The following PSMD2 variants were observed in gnomAD, a reference collection of about 807,000 sequenced individuals.
The protein encoded by PSMD2 is 26S proteasome non-ATPase regulatory subunit 2.
A neutral mutation model predicts 101.5 loss-of-function variants in PSMD2; 8 were observed. That is an observed-to-expected ratio of 0.08 (90% CI 0.05 to 0.14). PSMD2 has a LOEUF of 0.14. PSMD2 is among the 10% of genes least tolerant of loss of function. The pLI is 1.00. For synonymous variants in PSMD2, 418 were observed against 433.8 expected (o/e 0.96, Z 0.45); for missense variants, 784 against 1,147.4 (o/e 0.68, Z 4.58).
rs1300527907 is a variant in PSMD2, at chr3:184,306,472, C to T, written c.1927C>T (p.Pro643Ser). 6 of 1,614,004 alleles carry T rather than the reference C, an allele frequency of 3.7e-6. 1 individual carries two copies. In the South Asian group the frequency reaches 4.4e-5, roughly 12 times the overall value. ...EKKDKDKKEA[P>S]ADMGAHQGVA... ...GAAAGACAAGGACAAGAAGGAAGCC[C>T]CTGCTGACATGGGAGCACATCAGGT... The change falls in exon 15 of 21, where the codon CCT becomes TCT. Residue 643 changes from proline (P) to serine (S), a missense_variant. Coordinates refer to ENST00000310118, the MANE Select transcript of PSMD2 (RefSeq NM_002808.5).
intron 17 of PSMD2, 26 bp downstream of exon 17, chr3:184,307,551 TAAAC>T (rs776238540): frequency 2.5e-6 from 4 of 1,614,028 alleles, no homozygotes; most frequent in Middle Eastern, 1.6e-4. Flanking sequence ...AAGAAGGTCA[TAAAC>T]AGATTGGGGG....
At chr3:184,299,940 G>A (rs750513170) in intron 2 of PSMD2, 33 bp downstream of exon 2, 2 of 1,592,866 alleles carry the variant, frequency 1.3e-6, no homozygotes, top group Non-Finnish European at 1.7e-6. Flanking sequence ...TTCGGTGCAT[G>A]TTTGGATCTT....
rs746414233 is a variant in PSMD2 at position 184,304,417 on chromosome 3, G to C, written c.1539+26G>C. On this transcript the variant is annotated intron_variant, in intron 12 of 20. Coordinates refer to ENST00000310118, the MANE Select transcript of PSMD2 (RefSeq NM_002808.5). This position sits in a 1 kb window ranked among gnomAD's most constrained non-coding sequence, Gnocchi z 4.1. Reference sequence around the variant, plus strand: ...GTGAGTAGAGGCTATTGAGCATTTAGAGTAAGTAGGGAAGGTGCTTTGAGT... The same window carrying C: ...GTGAGTAGAGGCTATTGAGCATTTACAGTAAGTAGGGAAGGTGCTTTGAGT... 25 of 1,598,510 alleles carry C rather than the reference G, an allele frequency of 1.6e-5. No individual in the cohort carries two copies. The highest frequency in any genetic ancestry group is 2.0e-5 in the Non-Finnish European group (23 of 1,165,746).
In PSMD2 at chr3:184,303,304, C is replaced by A. The variant is rs775454168; in HGVS notation, c.1070-16C>A. 83 of 1,606,158 alleles carry A rather than the reference C, an allele frequency of 5.2e-5. No individual in the cohort carries two copies. The highest frequency in any genetic ancestry group is 7.0e-5 in the Non-Finnish European group (82 of 1,177,524). ...GAAACCTTCTTTCCTTACTTTTCCT[C>A]TCCCTCCTGTTGCAGGGTTTGGGGG... On this transcript the variant is annotated splice_polypyrimidine_tract_variant and intron_variant, in intron 8 of 20. Transcript: ENST00000310118.
Position 184,308,558 on chromosome 3 carries a change from T to C in PSMD2, c.2535T>C (p.Arg845=), listed in dbSNP as rs1560197641. ...EELRPLPVSV[R]VGQAVDVVGQ... is the part of the protein sequence containing the mutation. ...TGCGGCCATTGCCAGTGTCTGTCCG[T>C]GTGGGCCAGGTGAGAGGCTGAGTAG... The change falls in exon 20 of 21, where the codon CGT becomes CGC. Residue 845 remains arginine (R), a synonymous_variant. Transcript: ENST00000310118. The surrounding 1 kb of genome is among the most constrained non-coding windows in gnomAD (Gnocchi z 6.0). 6.8e-6 allele frequency: 11 copies of C among 1,613,480 alleles called. No individual in the cohort carries two copies. The East Asian group carries it at 2.5e-4, about 36-fold the overall frequency.
chr3:184,299,281 C>A lies in PSMD2; in HGVS notation c.15C>A (p.Gly5=), dbSNP rs1370258076. The A allele has an allele frequency of 2.2e-6, 3 of 1,359,694 alleles. No homozygotes were observed. The Admixed American group carries it at 1.1e-4, about 48-fold the overall frequency. 84.2% of individuals were successfully genotyped at this position (1,359,694 alleles called of 1,614,324 possible). Residue 5 remains glycine (G), a synonymous_variant, in exon 1 of 21, where the codon GGC becomes GGA. Coordinates refer to ENST00000310118, the MANE Select transcript of PSMD2 (RefSeq NM_002808.5). The part of the protein sequence containing the change: MEEG[G]RDKAPVQPQQ... ...TGGCGGCGGAGATGGAGGAGGGAGG[C>A]CGGGACAAGGCGCCGGTGCAGCCCC... is the stretch of plus-strand genomic sequence containing the variant.
rs759578318 is a variant in PSMD2, at chr3:184,301,532, T to C, written c.358-5T>C. On this transcript the variant is annotated splice_region_variant and splice_polypyrimidine_tract_variant and intron_variant, in intron 3 of 20. Transcript: ENST00000310118. ...TTTGACTTCAAAGAACTCTTTTCTT[T>C]ATAGCGTTTTGCTGCTGACATCATC... is the stretch of plus-strand genomic sequence containing the variant. 1.2e-6 allele frequency: 2 copies of C among 1,613,356 alleles called. No homozygotes were observed. Among genetic ancestry groups the C allele is most frequent in the South Asian group, 1.1e-5 (1 of 91,040 alleles).
Position 184,308,097 on chromosome 3 carries a change from G to A in PSMD2, c.2425+81G>A. 6.4e-7 allele frequency: 1 copy of A among 1,558,322 alleles called. No individual in the cohort carries two copies. The highest frequency in any genetic ancestry group is 8.7e-7 in the Non-Finnish European group (1 of 1,148,836). On this transcript the variant is annotated intron_variant, in intron 19 of 20. Coordinates refer to ENST00000310118, the MANE Select transcript of PSMD2 (RefSeq NM_002808.5). The surrounding 1 kb of genome is among the most constrained non-coding windows in gnomAD (Gnocchi z 6.0). ...TTCCAGGGCCACTTTGATAATTTAGGTTCAAGACCCCAGTTTAGCTCTGTA... is the reference window on the plus strand; with the variant it reads ...TTCCAGGGCCACTTTGATAATTTAGATTCAAGACCCCAGTTTAGCTCTGTA...
chr3:184,304,373 T>C lies in PSMD2; in HGVS notation c.1521T>C (p.Asp507=). The change falls in exon 12 of 21, where the codon GAT becomes GAC. Residue 507 remains aspartate, a synonymous_variant. Transcript: ENST00000310118. This position sits in a 1 kb window ranked among gnomAD's most constrained non-coding sequence, Gnocchi z 4.1. ...CACTGCTGCTGCCTGTGATGGGAGATTCAAAGTCCAGCATGGAGGTGAGTA... is the reference window on the plus strand; with the variant it reads ...CACTGCTGCTGCCTGTGATGGGAGACTCAAAGTCCAGCATGGAGGTGAGTA... ...VLTLLLPVMG[D]SKSSMEVAGV... is the part of the protein sequence containing the mutation. 1.9e-6 allele frequency: 3 copies of C among 1,614,206 alleles called. No individual in the cohort carries two copies. Among genetic ancestry groups the C allele is most frequent in the East Asian group, 2.2e-5 (1 of 44,886 alleles).
chr3:184,306,735 C>G lies in PSMD2; in HGVS notation c.1951-16C>G, dbSNP rs762148638. 6.2e-7 allele frequency: 1 copy of G among 1,610,110 alleles called. No homozygotes were observed. On this transcript the variant is annotated splice_polypyrimidine_tract_variant and intron_variant, in intron 15 of 20. Transcript: ENST00000310118. ...TTCCTTGAGCTTAATGGGTTCTGCT[C>G]TCTCTTCAATTGCAGGGAGTGGCTG...
chr3:184,308,038 TATATC>T lies in PSMD2; in HGVS notation c.2425+26_2425+30del. 6.2e-7 allele frequency: 1 copy of T among 1,613,256 alleles called. No individual in the cohort carries two copies. Among genetic ancestry groups the T allele is most frequent in the South Asian group, 1.1e-5 (1 of 91,070 alleles). Reference sequence around the variant, plus strand: ...AACAGTGAGTTCCTGTCAGAAATTTTATATCATAGCATGCAGGGCTCTGACTCCAC... The same window carrying T: ...AACAGTGAGTTCCTGTCAGAAATTTTATAGCATGCAGGGCTCTGACTCCAC... On this transcript the variant is annotated intron_variant, in intron 19 of 20. Transcript: ENST00000310118. The surrounding 1 kb of genome is among the most constrained non-coding windows in gnomAD (Gnocchi z 6.0).
rs767134858 is a variant in PSMD2 at position 184,306,831 on chromosome 3, C to T, written c.2031C>T (p.His677=). 3 of 1,613,158 alleles carry T rather than the reference C, an allele frequency of 1.9e-6. No individual in the cohort carries two copies. Among genetic ancestry groups the T allele is most frequent in the East Asian group, 2.2e-5 (1 of 44,820 alleles). The change falls in exon 16 of 21, where the codon CAC becomes CAT. Residue 677 remains histidine (H), a synonymous_variant. Transcript: ENST00000310118. Reference sequence around the variant, plus strand: ...AGATGGCATTACGAACCTTTGGCCACTTGGTGAGTATAGCATGAAGAAAAT... The same window carrying T: ...AGATGGCATTACGAACCTTTGGCCATTTGGTGAGTATAGCATGAAGAAAAT... ...GAEMALRTFG[H]LLRYGEPTLR... is the part of the protein sequence containing the mutation.
chr3:184,305,732 A>G, intron 12 of PSMD2, 36 bp from the exon 13 acceptor site: 1 of 1,584,738 alleles, frequency 6.3e-7, no homozygotes. Context: ...TATTTTAATA[A>G]CTTACTCTGT....
Position 184,306,126 on chromosome 3 carries a change from A to G in PSMD2, c.1775A>G (p.Asn592Ser). The change falls in exon 14 of 21, where the codon AAC (asparagine) becomes AGC (serine). Residue 592 changes from asparagine (N) to serine (S), a missense_variant. This residue lies in a region of PSMD2 where 282 missense variants were observed against 437.6 expected (regional missense o/e 0.64). Coordinates refer to ENST00000310118, the MANE Select transcript of PSMD2 (RefSeq NM_002808.5). ...TCAGAGCCATTCCGCAGTTTTGCCA[A>G]CACACTGGTGGATGTGTGTGCATAT... ...VVSEPFRSFA[N>S]TLVDVCAYAG... The G allele has an allele frequency of 6.2e-7, 1 of 1,614,184 alleles. No homozygotes were observed. Among genetic ancestry groups the G allele is most frequent in the Non-Finnish European group, 8.5e-7 (1 of 1,180,038 alleles).
At chr3:184,303,140 C>G in intron 8 of PSMD2, 78 bp downstream of exon 8, 1 of 1,533,130 alleles carries the variant, frequency 6.5e-7, no homozygotes, top group Non-Finnish European at 9.0e-7. Context: ...GCTTGGCCAA[C>G]ATGCTTATCC....
At position 184,307,344 on chromosome 3, in the gene PSMD2, C is replaced by T; in HGVS notation, c.2035-13C>T. The T allele has an allele frequency of 6.2e-7, 1 of 1,613,660 alleles. No homozygotes were observed. Among genetic ancestry groups the T allele is most frequent in the Non-Finnish European group, 8.5e-7 (1 of 1,179,640 alleles). ...GCATTCCGCCTTACTGTTGTATTTT[C>T]TTGGATCATCAGCTGAGATATGGGG... On this transcript the variant is annotated splice_polypyrimidine_tract_variant and intron_variant, in intron 16 of 20. Transcript: ENST00000310118.
At chr3:184,307,766 G>A in intron 18 of PSMD2, 58 bp downstream of exon 18, 1 of 1,604,528 alleles carries the variant, frequency 6.2e-7, no homozygotes, top group Admixed American at 1.7e-5. Flanking sequence ...GTGATGGAAG[G>A]AGGAACATGG....
Position 184,307,489 on chromosome 3 carries a change from T to C in PSMD2, c.2167T>C (p.Tyr723His), listed in dbSNP as rs377227272. Residue 723 changes from tyrosine (Y) to histidine (H), a missense_variant, in exon 17 of 21, where the codon TAT becomes CAT. Tyr to His is a moderately conservative substitution (Grantham distance 83, BLOSUM62 2). Transcript: ENST00000310118. Reference protein sequence around the residue: ...FSHDADPEVSYNSIFAMGMVG... With the variant: ...FSHDADPEVSHNSIFAMGMVG... ...TCATGATGCTGATCCAGAAGTTTCC[T>C]ATAACTCCATTTTTGCCATGGGCAT... is the stretch of plus-strand genomic sequence containing the variant. 2.2e-5 allele frequency: 36 copies of C among 1,614,108 alleles called. No individual in the cohort carries two copies. The highest frequency in any genetic ancestry group is 3.0e-5 in the Non-Finnish European group (35 of 1,180,052).
In PSMD2 at chr3:184,304,247, T is replaced by C; in HGVS notation, c.1452-57T>C. ...TGAATGACCGATTCTCCTTTTGTTC[T>C]TTTCTTGCTGCATCGTTGGGTATGT... On this transcript the variant is annotated intron_variant, in intron 11 of 20. Transcript: ENST00000310118. The surrounding 1 kb of genome is among the most constrained non-coding windows in gnomAD (Gnocchi z 4.1). The C allele has an allele frequency of 1.9e-6, 3 of 1,580,258 alleles. No homozygotes were observed. Among genetic ancestry groups the C allele is most frequent in the Non-Finnish European group, 2.6e-6 (3 of 1,149,286 alleles).
Sources: allele counts gnomAD v4.1 joint callset, GRCh38; gene constraint gnomAD v4.1.1; regional missense constraint gnomAD v4.1.1; non-coding constraint Gnocchi (gnomAD v3.1); transcripts MANE v1.5; gene names NCBI Gene and HGNC (gene_info 2026-07-23, HGNC 2026-07-21).